GADL1: variants seen among roughly 807,000 people sequenced by gnomAD.
GADL1 encodes the protein acidic amino acid decarboxylase GADL1.
GADL1 carries 71 observed loss-of-function variants against 69.5 expected under a neutral mutation model. The observed-to-expected ratio is 1.02, with a 90% CI of 0.84 to 1.25. The LOEUF is 1.25. Ranked by LOEUF, GADL1 falls within the 50% of genes most tolerant of loss-of-function variation. The probability of loss-of-function intolerance (pLI) is 0.00; values close to 1 mark genes in which losing one functional copy is unlikely to be tolerated. For missense variants in GADL1, 737 were observed against 631.8 expected (o/e 1.17, Z -1.79); for synonymous variants, 254 against 214.4 (o/e 1.18, Z -1.62).
chr3:30,762,749 C>A (rs1696169210), intron 14 of GADL1, among the ~76,000 whole-genome samples: 1 of 152,134 alleles, frequency 6.6e-6, no homozygotes, highest in South Asian at 2.1e-4. Context: ...CTCCCAGACC[C>A]CCACTATCCT....
At chr3:30,775,599 C>T (rs1696519372) in intron 14 of GADL1, among the ~76,000 whole-genome samples, 1 of 151,958 alleles carries the variant, frequency 6.6e-6, no homozygotes, top group Admixed American at 6.6e-5. Flanking sequence ...GCAACTATAA[C>T]AAATGAAGTT....
At chr3:30,884,078 G>A (rs1698675340) in intron 1 of GADL1, among the ~76,000 whole-genome samples, 1 of 151,678 alleles carries the variant, frequency 6.6e-6, no homozygotes, top group Non-Finnish European at 1.5e-5. Flanking sequence ...CTATTCCACT[G>A]CCAATAAGGA....
At chr3:30,797,670 G>GTTTTTT (rs140124139) in intron 12 of GADL1, 1 of 147,854 alleles carries the variant, frequency 6.8e-6, no homozygotes. Context: ...TTTTGTTTTT[G>GTTTTTT]TTTTTTTTTT....
intron 1 of GADL1, among the ~76,000 whole-genome samples, chr3:30,885,407 A>G (rs533077433): frequency 1.3e-5 from 2 of 152,168 alleles, no homozygotes; most frequent in African/African-American, 4.8e-5. Flanking sequence ...GATGAAAACC[A>G]AACCAGATGG....
chr3:30,889,084 T>TTA (rs747921613), intron 1 of GADL1, among the ~76,000 whole-genome samples: 1 of 32,914 alleles, frequency 3.0e-5, no homozygotes, highest in Non-Finnish European at 6.7e-5. Context: ...CGGTAATCTA[T>TTA]AAAAAAAAAA....
chr3:30,746,708 T>C (rs1047166062), intron 14 of GADL1, among the ~76,000 whole-genome samples: 2 of 152,116 alleles, frequency 1.3e-5, no homozygotes, highest in Admixed American at 1.3e-4. Context: ...CACACAGAAA[T>C]GCCAACACAT....
At chr3:30,769,173 C>G (rs1434275142) in intron 14 of GADL1, among the ~76,000 whole-genome samples, 2 of 152,142 alleles carry the variant, frequency 1.3e-5, no homozygotes, top group East Asian at 1.9e-4. Flanking sequence ...CTGAAAGTCA[C>G]TCAGTCATTA....
intron 11 of GADL1, among the ~76,000 whole-genome samples, chr3:30,804,167 C>T (rs140107468): frequency 1.5e-4 from 23 of 152,250 alleles, no homozygotes; most frequent in African/African-American, 4.3e-4. Context: ...ATATAATCTT[C>T]AGGCACAGTT....
chr3:30,891,428 T>C (rs1179976307), intron 1 of GADL1, among the ~76,000 whole-genome samples: 1 of 152,048 alleles, frequency 6.6e-6, no homozygotes, highest in East Asian at 1.9e-4. Context: ...TCAAGGAACT[T>C]AAAGCCACAC....
rs13067990 is a variant in GADL1, at chr3:30,889,086, A to T, written c.37+5492T>A. On this transcript the variant is annotated intron_variant, in intron 1 of 14. Transcript: ENST00000282538. ...AATACCGAAGACTCGGTAATCTATA[A>T]AAAAAAAAAAAAAAAAAAAAAAAAA... 3.3e-3 allele frequency among the ~76,000 whole-genome samples: 362 copies of T among 110,750 alleles called. 6 individuals carry two copies. The highest frequency in any genetic ancestry group is 0.016 in the African/African-American group (323 of 19,872). The allele number at this position is 110,750 out of a possible 152,430, so 72.7% of individuals were successfully genotyped here. A position where few individuals can be genotyped will look rare whatever the true frequency, so the allele number is the denominator to read the frequency against.
At chr3:30,769,771 AG>A (rs1696375213) in intron 14 of GADL1, among the ~76,000 whole-genome samples, 1 of 152,206 alleles carries the variant, frequency 6.6e-6, no homozygotes, top group Non-Finnish European at 1.5e-5. Flanking sequence ...CAGATCTGAC[AG>A]TATGAGACCG....
Position 30,891,009 on chromosome 3 carries a change from C to T in GADL1, c.37+3569G>A, listed in dbSNP as rs187265349. 2.2e-3 allele frequency among the ~76,000 whole-genome samples: 327 copies of T among 150,500 alleles called. 8 individuals carry two copies. The highest frequency in any genetic ancestry group is 3.1e-4 in the Non-Finnish European group (21 of 67,706). On this transcript the variant is annotated intron_variant, in intron 1 of 14. Transcript: ENST00000282538. ...CAGAGACCCAATCTGAACAGGCTGT[C>T]GGCTAGAGTATTTACTTTGCATTCT...
At chr3:30,807,264 C>A (rs1374836216) in intron 11 of GADL1, among the ~76,000 whole-genome samples, 3 of 152,160 alleles carry the variant, frequency 2.0e-5, no homozygotes, top group Admixed American at 2.0e-4. Flanking sequence ...CCCAGGCAAG[C>A]TACAGAACAG....
At chr3:30,786,221 A>G in intron 13 of GADL1, 134 bp downstream of exon 13, 1 of 674,540 alleles carries the variant, frequency 1.5e-6, no homozygotes, top group Non-Finnish European at 2.7e-6. Context: ...AACATAATAG[A>G]CTATGAATTA....
intron 14 of GADL1, among the ~76,000 whole-genome samples, chr3:30,747,321 G>A (rs1356681290): frequency 2.6e-5 from 4 of 152,158 alleles, no homozygotes; most frequent in South Asian, 4.1e-4. Context: ...GACACACCAC[G>A]AGAAAATGTC....
At chr3:30,860,979 A>G (rs1181191669) in intron 2 of GADL1, among the ~76,000 whole-genome samples, 1 of 151,936 alleles carries the variant, frequency 6.6e-6, no homozygotes, top group African/African-American at 2.4e-5. Flanking sequence ...TCCTTAGAAC[A>G]TAGTAAGTAT....
intron 1 of GADL1, among the ~76,000 whole-genome samples, chr3:30,880,061 C>T (rs910892320): frequency 2.6e-5 from 4 of 151,980 alleles, no homozygotes; most frequent in Admixed American, 6.6e-5. Flanking sequence ...AGAAGAAAAG[C>T]ACAGTAATTT....
At chr3:30,755,114 T>C (rs1695936579) in intron 14 of GADL1, among the ~76,000 whole-genome samples, 1 of 150,134 alleles carries the variant, frequency 6.7e-6, no homozygotes, top group African/African-American at 2.5e-5. Context: ...AATTAGCCAG[T>C]TAAAGCTGAC....
intron 11 of GADL1, among the ~76,000 whole-genome samples, chr3:30,808,754 T>C (rs1697300358): frequency 6.6e-6 from 1 of 152,216 alleles, no homozygotes; most frequent in Non-Finnish European, 1.5e-5. Flanking sequence ...TAAATGCAAG[T>C]CCACCCACTA....
Sources: gnomAD v4.1 joint callset for allele counts (sites outside exome capture counted in the v4.1 genomes callset) on GRCh38, gnomAD v4.1.1 for gene constraint, MANE v1.5 for transcripts, NCBI Gene and HGNC (gene_info 2026-07-23, HGNC 2026-07-21) for gene names.